Variants in SEMA3D observed in about 807,000 individuals in gnomAD.
SEMA3D encodes the protein semaphorin-3D.
In SEMA3D, 84 loss-of-function variants were observed where a neutral mutation model predicts 100.1. The observed-to-expected ratio is 0.84, with a 90% CI of 0.70 to 1.01. The LOEUF is 1.01. Ranked by LOEUF, SEMA3D falls within the 50% of genes least tolerant of loss-of-function variation. The pLI, the probability that SEMA3D is intolerant of heterozygous loss-of-function variation, is 0.00. For missense variants in SEMA3D, 875 were observed against 934.1 expected (o/e 0.94, Z 0.82); for synonymous variants, 312 against 320.7 (o/e 0.97, Z 0.29).
chr7:85,244,262 GA>G, the SEMA3D span, among the ~76,000 whole-genome samples: 2 of 152,132 alleles, frequency 1.3e-5, no homozygotes, highest in African/African-American at 2.4e-5. Context: ...CTTGCTCTCA[GA>G]AAAACTAATC....
the SEMA3D span, among the ~76,000 whole-genome samples, chr7:85,215,102 C>CTTCT: frequency 1.4e-5 from 2 of 145,988 alleles, no homozygotes; most frequent in African/African-American, 2.5e-5. Context: ...AAGTGTTCTT[C>CTTCT]TTCTTTCTTT....
chr7:85,249,163 T>C, the SEMA3D span, among the ~76,000 whole-genome samples: 1 of 152,138 alleles, frequency 6.6e-6, no homozygotes, highest in Non-Finnish European at 1.5e-5. Flanking sequence ...TTAAGTGTTC[T>C]AAAAACAAAC....
intron 9 of SEMA3D, among the ~76,000 whole-genome samples, chr7:85,052,180 A>G (rs1163262437): frequency 6.6e-6 from 1 of 151,978 alleles, no homozygotes; most frequent in Non-Finnish European, 1.5e-5. Context: ...TGTTATCTTT[A>G]GGGAACAACC....
intron 1 of SEMA3D, among the ~76,000 whole-genome samples, chr7:85,159,708 C>A (rs1790692924): frequency 6.6e-6 from 1 of 152,188 alleles, no homozygotes; most frequent in African/African-American, 2.4e-5. Flanking sequence ...CATCGTAGTG[C>A]TGAACTCCAC....
At chr7:85,216,663 A>T in the SEMA3D span, among the ~76,000 whole-genome samples, 1 of 152,118 alleles carries the variant, frequency 6.6e-6, no homozygotes, top group East Asian at 1.9e-4. Context: ...TTGTGTTATC[A>T]GTGCTAATAA....
intron 18 of SEMA3D, among the ~76,000 whole-genome samples, chr7:85,003,999 A>G (rs1789726548): frequency 6.6e-6 from 1 of 152,100 alleles, no homozygotes; most frequent in African/African-American, 2.4e-5. Flanking sequence ...TTCCTAAGAA[A>G]ATAGTTAGAA....
chr7:85,029,058 T>C lies in SEMA3D; in HGVS notation c.1192-6445A>G, dbSNP rs946725641. 3 of 519,920 alleles carry C rather than the reference T, an allele frequency of 5.8e-6. No homozygotes were observed. The African/African-American group carries it at 5.8e-5, about 10-fold the overall frequency. 32.2% of individuals were successfully genotyped at this position (519,920 alleles called of 1,614,324 possible). ...TTAAAACTGCTGATGGAGTCATGGC[T>C]GTCCTCATCAAGTGTGATGCTACCA... On this transcript the variant is annotated intron_variant, in intron 12 of 18. Transcript: ENST00000284136.
intron 3 of SEMA3D, among the ~76,000 whole-genome samples, chr7:85,102,615 A>G (rs890012648): frequency 3.9e-5 from 6 of 151,980 alleles, no homozygotes; most frequent in African/African-American, 1.4e-4. Flanking sequence ...GAAAAGTGGC[A>G]ACAACTATAG....
At chr7:85,137,464 A>T (rs1789901794) in intron 2 of SEMA3D, among the ~76,000 whole-genome samples, 1 of 152,048 alleles carries the variant, frequency 6.6e-6, no homozygotes, top group South Asian at 2.1e-4. Flanking sequence ...TCTGCTCTTT[A>T]TCAAAGTTGT....
intron 1 of SEMA3D, among the ~76,000 whole-genome samples, chr7:85,155,459 G>A (rs145835108): frequency 4.6e-5 from 7 of 151,986 alleles, no homozygotes; most frequent in Non-Finnish European, 1.0e-4. Context: ...GTTTTCCACA[G>A]GTACATATTA....
At chr7:85,037,091 C>G in intron 11 of SEMA3D, 58 bp from the exon 12 acceptor site, 8 of 1,550,548 alleles carry the variant, frequency 5.2e-6, no homozygotes, top group African/African-American at 1.4e-5. Context: ...TAAACATTGA[C>G]TGAGCACATA....
chr7:85,058,327 C>T (rs1414902882), intron 8 of SEMA3D, among the ~76,000 whole-genome samples: 1 of 152,126 alleles, frequency 6.6e-6, no homozygotes, highest in Non-Finnish European at 1.5e-5. Context: ...TTCCCCAACC[C>T]CTGCCCCGGC....
At chr7:85,234,412 C>A in the SEMA3D span, among the ~76,000 whole-genome samples, 1 of 152,124 alleles carries the variant, frequency 6.6e-6, no homozygotes, top group Non-Finnish European at 1.5e-5. Context: ...ATTTTTTCCT[C>A]GGGCCAGACT....
At chr7:85,110,123 C>T (rs772916486) in intron 3 of SEMA3D, among the ~76,000 whole-genome samples, 79 of 151,908 alleles carry the variant, frequency 5.2e-4, no homozygotes, top group South Asian at 4.1e-4. Context: ...TATGTATCTT[C>T]TTAATTCCAG....
chr7:85,023,841 A>T (rs1301827264), intron 12 of SEMA3D, among the ~76,000 whole-genome samples: 1 of 151,968 alleles, frequency 6.6e-6, no homozygotes, highest in Non-Finnish European at 1.5e-5. Flanking sequence ...AGGTTGTACT[A>T]AAAGTCTGTT....
intron 9 of SEMA3D, among the ~76,000 whole-genome samples, chr7:85,049,455 T>A (rs1221714520): frequency 4.6e-5 from 7 of 151,514 alleles, no homozygotes; most frequent in African/African-American, 1.7e-4. Flanking sequence ...TTCAGTTAGG[T>A]AAATCTAGGA....
intron 13 of SEMA3D, 64 bp downstream of exon 13, chr7:85,022,327 T>C: frequency 1.9e-6 from 2 of 1,081,066 alleles, no homozygotes; most frequent in Non-Finnish European, 2.8e-6. Context: ...TTTGAAGTTG[T>C]TCTTCTCTTT....
Position 85,170,561 on chromosome 7 carries a change from A to T in SEMA3D, c.-173+16117T>A, listed in dbSNP as rs545140483. ...ATAGAATAGGGCAAAATCATAAACCATGTGAATATCAGGCAGTTAAAGTCT... is the reference window on the plus strand; with the variant it reads ...ATAGAATAGGGCAAAATCATAAACCTTGTGAATATCAGGCAGTTAAAGTCT... On this transcript the variant is annotated intron_variant, in intron 1 of 18. Coordinates refer to ENST00000284136, the MANE Select transcript of SEMA3D (RefSeq NM_001384900.1). Among the ~76,000 whole-genome samples the T allele has an allele frequency of 6.6e-5, 10 of 152,078 alleles. No individual in the cohort carries two copies. The South Asian group carries it at 2.1e-3, about 32-fold the overall frequency.
At chr7:85,238,758 A>G in the SEMA3D span, among the ~76,000 whole-genome samples, 1 of 152,208 alleles carries the variant, frequency 6.6e-6, no homozygotes, top group Non-Finnish European at 1.5e-5. Flanking sequence ...TTGGGATTGC[A>G]TTTAATCTGT....
Sources: gnomAD v4.1 joint callset for allele counts (sites outside exome capture counted in the v4.1 genomes callset) on GRCh38, gnomAD v4.1.1 for gene constraint, MANE v1.5 for transcripts, NCBI Gene and HGNC (gene_info 2026-07-23, HGNC 2026-07-21) for gene names.